The following GFI1B variants were observed in gnomAD, a reference collection of about 807,000 sequenced individuals.
GFI1B encodes zinc finger protein Gfi-1b.
In GFI1B, 20 loss-of-function variants were observed where a neutral mutation model predicts 35.3. The ratio of observed to expected loss-of-function variants is 0.57; its 90% CI spans 0.40 to 0.82. The LOEUF (loss-of-function observed/expected upper bound fraction) is 0.82, where lower values mean the gene tolerates loss of function less well. Among genes scored for constraint, GFI1B ranks in the 40% least tolerant of loss-of-function variants. The pLI, the probability that GFI1B is intolerant of heterozygous loss-of-function variation, is 0.00. For missense variants in GFI1B, 430 were observed against 446.3 expected (o/e 0.96, Z 0.33); for synonymous variants, 178 against 177.6 (o/e 1.00, Z -0.02).
intron 1 of GFI1B, among the ~76,000 whole-genome samples, chr9:132,982,862 G>A (rs569137935): frequency 6.6e-6 from 1 of 152,204 alleles, no homozygotes; most frequent in African/African-American, 2.4e-5. Flanking sequence ...AAGCGGGTGT[G>A]GGGCTCAGGG....
intron 1 of GFI1B, among the ~76,000 whole-genome samples, chr9:132,985,907 G>A (rs577208493): frequency 6.6e-6 from 1 of 152,272 alleles, no homozygotes; most frequent in African/African-American, 2.4e-5. Context: ...TAGCTTTCTA[G>A]AATTGGGGTC....
chr9:132,969,448 G>C lies in GFI1B; in HGVS notation c.-700-3277G>C, dbSNP rs542714394. Among the ~76,000 whole-genome samples the C allele has an allele frequency of 2.0e-5, 3 of 152,278 alleles. No individual in the cohort carries two copies. In the South Asian group the frequency reaches 6.2e-4, roughly 32 times the overall value. ...GTCCTCGGGGTTCATCCAGGTTGTTGCCTGTGTCACAGCCTCATTCCTTTC... is the reference window on the plus strand; with the variant it reads ...GTCCTCGGGGTTCATCCAGGTTGTTCCCTGTGTCACAGCCTCATTCCTTTC... On this transcript the variant is annotated intron_variant, in intron 1 of 10. Coordinates refer to the GFI1B transcript ENST00000339463.
intron 1 of GFI1B, among the ~76,000 whole-genome samples, chr9:132,981,655 G>A (rs62579578): frequency 2.0e-5 from 3 of 151,998 alleles, no homozygotes; most frequent in Non-Finnish European, 2.9e-5. Flanking sequence ...TAATAATAAT[G>A]ATGGTGATGA....
chr9:132,987,112 T>A (rs1358471363), intron 2 of GFI1B, among the ~76,000 whole-genome samples, 170 bp from the exon 3 acceptor site: 2 of 152,118 alleles, frequency 1.3e-5, no homozygotes, highest in African/African-American at 4.8e-5. Flanking sequence ...CCTGGCCTCT[T>A]CTTGCCGCCG....
rs1023175278 is a variant in GFI1B, at chr9:132,979,259, T to A, written c.-21+418T>A. 7.2e-4 allele frequency among the ~76,000 whole-genome samples: 104 copies of A among 143,724 alleles called. 1 individual carries two copies. The highest frequency in any genetic ancestry group is 3.0e-3 in the East Asian group (15 of 4,930). 94.3% of individuals were successfully genotyped at this position (143,724 alleles called of 152,430 possible). A position where few individuals can be genotyped will look rare whatever the true frequency, so the allele number is the denominator to read the frequency against. ...GTTCCTGGGACACTTTTTTTTTTTT[T>A]TTTTTTTTTTTTTTTGAGACAGAGT... On this transcript the variant is annotated intron_variant, in intron 1 of 6. Coordinates refer to ENST00000372122, the MANE Select transcript of GFI1B (RefSeq NM_001377304.1).
intron 1 of GFI1B, among the ~76,000 whole-genome samples, chr9:132,970,012 C>T (rs1283166151): frequency 6.6e-6 from 1 of 152,144 alleles, no homozygotes; most frequent in Non-Finnish European, 1.5e-5. Flanking sequence ...GTTGATTCCC[C>T]CACCTCAGCC....
chr9:132,948,669 C>G (rs1848156691), intron 1 of GFI1B, among the ~76,000 whole-genome samples: 1 of 152,260 alleles, frequency 6.6e-6, no homozygotes, highest in African/African-American at 2.4e-5. Context: ...CTTCTGCTGG[C>G]AGCCCCCAAG....
chr9:132,981,639 A>AAAT (rs759746719), intron 1 of GFI1B, among the ~76,000 whole-genome samples: 2 of 152,104 alleles, frequency 1.3e-5, no homozygotes, highest in Non-Finnish European at 1.5e-5. Context: ...CTCTGTCTCA[A>AAAT]AATAATAATA....
Position 132,990,948 on chromosome 9 carries a change from G to T in GFI1B, c.891G>T (p.Lys297Asn). ...QSSNLITHSRKHTGFKPFSCE... is the reference protein window; with the variant it reads ...QSSNLITHSRNHTGFKPFSCE... ...CCAACCTCATCACCCACAGCCGCAA[G>T]CACACAGGCTTCAAGCCCTTCAGCT... is the stretch of plus-strand genomic sequence containing the variant. Residue 297 changes from lysine (K) to asparagine (N), a missense_variant, in exon 7 of 7, where the codon AAG (lysine) becomes AAT (asparagine). By Grantham distance (94) the Lys-to-Asn change is moderately conservative. Coordinates refer to ENST00000372122, the MANE Select transcript of GFI1B (RefSeq NM_001377304.1). 2 of 1,614,210 alleles carry T rather than the reference G, an allele frequency of 1.2e-6. No individual in the cohort carries two copies. The highest frequency in any genetic ancestry group is 1.7e-6 in the Non-Finnish European group (2 of 1,180,008).
At chr9:132,975,395 G>A (rs1033902407), upstream of GFI1B, among the ~76,000 whole-genome samples, 2 of 152,112 alleles carry the variant, frequency 1.3e-5, no homozygotes, top group African/African-American at 4.8e-5. Flanking sequence ...GCACAATGCT[G>A]TTCTTCTTTG....
At chr9:132,977,968 A>G (rs572708687), upstream of GFI1B, among the ~76,000 whole-genome samples, 19 of 152,236 alleles carry the variant, frequency 1.2e-4, no homozygotes, top group Non-Finnish European at 2.1e-4. Flanking sequence ...TCTGGGGGAA[A>G]TGCAAATTTG....
At chr9:132,964,226 G>A in intron 1 of GFI1B, among the ~76,000 whole-genome samples, 1 of 152,056 alleles carries the variant, frequency 6.6e-6, no homozygotes, top group East Asian at 1.9e-4. Context: ...GGCAACAAAA[G>A]CAAAACTCCA....
chr9:132,958,927 G>A (rs748305895), intron 1 of GFI1B, among the ~76,000 whole-genome samples: 3 of 152,184 alleles, frequency 2.0e-5, no homozygotes, highest in Non-Finnish European at 2.9e-5. Flanking sequence ...TGGCAGCTGA[G>A]GGTGTGCAGT....
chr9:132,967,863 C>T (rs958036024), intron 1 of GFI1B, among the ~76,000 whole-genome samples: 1 of 151,910 alleles, frequency 6.6e-6, no homozygotes. Flanking sequence ...CTCACTGTAA[C>T]CTCCGCCTCT....
downstream of GFI1B, among the ~76,000 whole-genome samples, chr9:132,991,942 G>A (rs1156423756): frequency 6.6e-6 from 1 of 152,120 alleles, no homozygotes; most frequent in Non-Finnish European, 1.5e-5. Flanking sequence ...TCCGTTTCCT[G>A]TGGCTGCTGT....
chr9:132,955,812 G>GCA (rs770424634), intron 1 of GFI1B, among the ~76,000 whole-genome samples: 4 of 102,394 alleles, frequency 3.9e-5, no homozygotes, highest in South Asian at 2.9e-4. Context: ...GTGTGCATGT[G>GCA]TGTGTGTGTG....
chr9:132,955,790 ATGTGTGTGTGTGTGTGCATGTGTG>A (rs1488748933), intron 1 of GFI1B, among the ~76,000 whole-genome samples: 4 of 141,658 alleles, frequency 2.8e-5, no homozygotes, highest in Non-Finnish European at 6.2e-5. Flanking sequence ...AACCAACGTG[ATGTGTGTGTGTGTGTGCATGTGTG>A]TGTGTGTGTG....
chr9:132,955,803 T>C (rs1334743703), intron 1 of GFI1B, among the ~76,000 whole-genome samples: 2 of 130,054 alleles, frequency 1.5e-5, no homozygotes, highest in African/African-American at 2.8e-5. Flanking sequence ...TGTGTGTGTG[T>C]GTGCATGTGT....
In GFI1B at chr9:132,989,728, A is replaced by T; in HGVS notation, c.649-14A>T. 6.2e-7 allele frequency: 1 copy of T among 1,612,952 alleles called. No individual in the cohort carries two copies. The highest frequency in any genetic ancestry group is 8.5e-7 in the Non-Finnish European group (1 of 1,179,232). ...CCTGCACCTGACCCCCCGGGGCCTC[A>T]TTTCCTCCGGCAGGAGCGCAGCTTC... On this transcript the variant is annotated splice_polypyrimidine_tract_variant and intron_variant, in intron 5 of 6. Coordinates refer to ENST00000372122, the MANE Select transcript of GFI1B (RefSeq NM_001377304.1). This position sits in a 1 kb window ranked among gnomAD's most constrained non-coding sequence, Gnocchi z 6.2.
Sources: allele counts gnomAD v4.1 joint callset (sites outside exome capture counted in the v4.1 genomes callset), GRCh38; gene constraint gnomAD v4.1.1; non-coding constraint Gnocchi (gnomAD v3.1); transcripts MANE v1.5; gene names NCBI Gene and HGNC (gene_info 2026-07-23, HGNC 2026-07-21).